The following AAK1 variants were observed in gnomAD, a reference collection of about 807,000 sequenced individuals.
AAK1 encodes the protein AP2-associated protein kinase 1.
Under a neutral mutation model 116.0 loss-of-function variants are expected in AAK1, and 37 were observed. The observed-to-expected ratio is 0.32, with a 90% confidence interval of 0.25 to 0.42. The LOEUF (loss-of-function observed/expected upper bound fraction) is 0.42. AAK1 is among the 10% of genes least tolerant of loss of function. The pLI is 1.00. For synonymous variants in AAK1, 458 were observed against 439.9 expected, an observed-to-expected ratio of 1.04 and a Z score of -0.51; for missense variants, 919 against 1,170.6, an observed-to-expected ratio of 0.79 and a Z score of 3.14.
chr2:69,553,646 G>C (rs1671274395), intron 3 of AAK1, among the ~76,000 whole-genome samples: 1 of 151,740 alleles, frequency 6.6e-6, no homozygotes, highest in Non-Finnish European at 1.5e-5. Context: ...TTTCCACCAT[G>C]TTGGCCAGGA....
chr2:69,508,207 T>A (rs1163910445), intron 14 of AAK1, among the ~76,000 whole-genome samples: 1 of 152,248 alleles, frequency 6.6e-6, no homozygotes, highest in Non-Finnish European at 1.5e-5. Context: ...TAGACTTGTG[T>A]ATCTTGTGGT....
At chr2:69,531,853 A>G in intron 6 of AAK1, 188 bp downstream of exon 6, 2 of 1,263,774 alleles carry the variant, frequency 1.6e-6, no homozygotes, top group Non-Finnish European at 2.1e-6. Flanking sequence ...ACTCTGATGT[A>G]TGCCTGTAAA....
chr2:69,506,221 C>A (rs1330517424), intron 15 of AAK1, among the ~76,000 whole-genome samples: 1 of 152,102 alleles, frequency 6.6e-6, no homozygotes, highest in African/African-American at 2.4e-5. Context: ...TATTTGGGTA[C>A]AAAACTACTA....
chr2:69,611,712 T>C (rs1674089133), intron 2 of AAK1, among the ~76,000 whole-genome samples: 1 of 152,184 alleles, frequency 6.6e-6, no homozygotes, highest in Non-Finnish European at 1.5e-5. Flanking sequence ...CACAGCAACA[T>C]TTCTCACAAC....
chr2:69,479,427 G>A (rs898184777), intron 19 of AAK1, among the ~76,000 whole-genome samples: 2 of 152,246 alleles, frequency 1.3e-5, no homozygotes, highest in East Asian at 3.9e-4. Flanking sequence ...AGAGGTTGCT[G>A]GTTAAATAGG....
At chr2:69,599,486 G>A (rs1673462285) in intron 2 of AAK1, among the ~76,000 whole-genome samples, 1 of 151,514 alleles carries the variant, frequency 6.6e-6, no homozygotes, top group African/African-American at 2.4e-5. Context: ...CAGTTATCAA[G>A]TATTATTCGA....
intron 11 of AAK1, 27 bp downstream of exon 11, chr2:69,520,807 G>C (rs760510866): frequency 4.6e-6 from 7 of 1,525,560 alleles, no homozygotes; most frequent in Non-Finnish European, 6.1e-6. Flanking sequence ...GAGGTGTATT[G>C]AGTTTCAAAC....
Position 69,530,151 on chromosome 2 carries a change from A to G in AAK1, c.739-11T>C. ...CAAACATCCAAGAGCCTAAAAAATA[A>G]AGATAGCAGATTGCTACTAGTGGCT... On this transcript the variant is annotated splice_polypyrimidine_tract_variant and intron_variant, in intron 7 of 21. Transcript: ENST00000409085. 1 of 1,601,644 alleles carries G rather than the reference A, an allele frequency of 6.2e-7. No homozygotes were observed. Among genetic ancestry groups the G allele is most frequent in the Non-Finnish European group, 8.5e-7 (1 of 1,175,496 alleles).
intron 2 of AAK1, among the ~76,000 whole-genome samples, chr2:69,637,311 C>A (rs976680379): frequency 5.9e-5 from 9 of 152,220 alleles, no homozygotes; most frequent in African/African-American, 2.2e-4. Flanking sequence ...TTACATGACT[C>A]CAGCGCAGCA....
Position 69,467,539 on chromosome 2 carries a change from T to A in AAK1, c.*8330A>T. The A allele has an allele frequency of 1.0e-6, 1 of 985,344 alleles. No individual in the cohort carries two copies. Among genetic ancestry groups the A allele is most frequent in the Non-Finnish European group, 1.2e-6 (1 of 829,906 alleles). 61.0% of individuals were successfully genotyped at this position (985,344 alleles called of 1,614,324 possible). ...GAAAGGGTGGTTGGGGGTAAAGGTA[T>A]CATTTCATCATGGGCTCAGTAAAGA... On this transcript the variant is annotated 3_prime_UTR_variant, in exon 22 of 22. Coordinates refer to ENST00000409085, the MANE Select transcript of AAK1 (RefSeq NM_014911.5).
intron 2 of AAK1, among the ~76,000 whole-genome samples, chr2:69,580,473 T>C (rs573199523): frequency 7.2e-5 from 11 of 152,112 alleles, no homozygotes; most frequent in East Asian, 1.9e-4. Flanking sequence ...TATGGTGCCA[T>C]AGGAATATTA....
chr2:69,470,068 T>A lies in AAK1; in HGVS notation c.*5801A>T. The A allele has an allele frequency of 1.0e-6, 1 of 985,460 alleles. No homozygotes were observed. The allele number at this position is 985,460 out of a possible 1,614,324, so 61.0% of individuals were successfully genotyped here. A position where few individuals can be genotyped will look rare whatever the true frequency, so the allele number is the denominator to read the frequency against. ...CATCTGATTGACATAGTGAGGGCCA[T>A]CAGAATGCTCCCTACAGAATTAAAA... On this transcript the variant is annotated 3_prime_UTR_variant, in exon 22 of 22. Coordinates refer to ENST00000409085, the MANE Select transcript of AAK1 (RefSeq NM_014911.5).
In AAK1 at chr2:69,466,074, A is replaced by C; in HGVS notation, c.*9795T>G. The C allele has an allele frequency of 2.3e-6, 3 of 1,290,926 alleles. No individual in the cohort carries two copies. Among genetic ancestry groups the C allele is most frequent in the Non-Finnish European group, 3.0e-6 (3 of 988,878 alleles). The allele number at this position is 1,290,926 out of a possible 1,614,324, so 80.0% of individuals were successfully genotyped here. On this transcript the variant is annotated 3_prime_UTR_variant, in exon 22 of 22. Transcript: ENST00000409085. Reference sequence around the variant, plus strand: ...AAATGGGGCTTTGGAGAAAATGTCCATGTCATCATTTGGAACCCTTGAGCT... The same window carrying C: ...AAATGGGGCTTTGGAGAAAATGTCCCTGTCATCATTTGGAACCCTTGAGCT...
intron 2 of AAK1, among the ~76,000 whole-genome samples, chr2:69,585,366 G>C (rs1278458044): frequency 6.6e-6 from 1 of 152,098 alleles, no homozygotes; most frequent in Non-Finnish European, 1.5e-5. Flanking sequence ...CCAGCCAGGA[G>C]ATATTCTTAA....
At chr2:69,503,446 T>C (rs1676053649) in intron 16 of AAK1, among the ~76,000 whole-genome samples, 1 of 152,244 alleles carries the variant, frequency 6.6e-6, no homozygotes, top group Admixed American at 6.5e-5. Context: ...GGAATAAAGT[T>C]AATGTTAAAA....
intron 2 of AAK1, among the ~76,000 whole-genome samples, chr2:69,575,166 GTTGT>G (rs1672254455): frequency 6.6e-6 from 1 of 151,450 alleles, no homozygotes; most frequent in African/African-American, 2.4e-5. Context: ...TACATTTTTG[GTTGT>G]TTGTTTTTAG....
rs913340164 is a variant in AAK1, at chr2:69,466,737, T to C, written c.*9132A>G. ...CACAAACTGGAACACAATCAACCAC[T>C]GTCTCACGTTTTGGAACATGATAGG... On this transcript the variant is annotated 3_prime_UTR_variant, in exon 22 of 22. Transcript: ENST00000409085. 18 of 985,242 alleles carry C rather than the reference T, an allele frequency of 1.8e-5. No homozygotes were observed. In the South Asian group the frequency reaches 8.0e-4, roughly 44 times the overall value. The allele number at this position is 985,242 out of a possible 1,614,324, so 61.0% of individuals were successfully genotyped here.
chr2:69,539,287 T>C (rs1670603694), intron 5 of AAK1, among the ~76,000 whole-genome samples: 1 of 152,084 alleles, frequency 6.6e-6, no homozygotes, highest in Non-Finnish European at 1.5e-5. Context: ...CATTTGGCAA[T>C]ACGGAGGAAG....
chr2:69,482,563 C>T lies in AAK1; in HGVS notation c.2467+148G>A, dbSNP rs1252092404. On this transcript the variant is annotated intron_variant, in intron 18 of 21. Coordinates refer to ENST00000409085, the MANE Select transcript of AAK1 (RefSeq NM_014911.5). Reference sequence around the variant, plus strand: ...CCCCCGAAAAGCAAGGAAAACACTTCATTTGGAGTGATACAAGTGAGATTA... The same window carrying T: ...CCCCCGAAAAGCAAGGAAAACACTTTATTTGGAGTGATACAAGTGAGATTA... 10 of 751,264 alleles carry T rather than the reference C, an allele frequency of 1.3e-5. No individual in the cohort carries two copies. In the African/African-American group the frequency reaches 1.4e-4, roughly 10 times the overall value. 46.5% of individuals were successfully genotyped at this position (751,264 alleles called of 1,614,324 possible). A position where few individuals can be genotyped will look rare whatever the true frequency, so the allele number is the denominator to read the frequency against.
Sources: allele counts gnomAD v4.1 joint callset (sites outside exome capture counted in the v4.1 genomes callset), GRCh38; gene constraint gnomAD v4.1.1; transcripts MANE v1.5; gene names NCBI Gene and HGNC (gene_info 2026-07-23, HGNC 2026-07-21).